Variants in GLIS3 observed in about 807,000 individuals in gnomAD.
The protein encoded by GLIS3 is GLIS family zinc finger 3.
GLIS3 carries 53 observed loss-of-function variants against 78.6 expected under a neutral mutation model. The ratio of observed to expected loss-of-function variants is 0.67; its 90% CI spans 0.54 to 0.85. GLIS3 has a LOEUF of 0.85. Among genes scored for constraint, GLIS3 ranks in the 40% least tolerant of loss-of-function variants. GLIS3 has a pLI of 0.00. For missense variants in GLIS3, 1,703 were observed against 1,231.1 expected (o/e 1.38, Z -5.74); for synonymous variants, 684 against 509.9 (o/e 1.34, Z -4.60).
Position 4,125,337 on chromosome 9 carries a change from A to T in GLIS3, c.596+397T>A, listed in dbSNP as rs72687992. ...CAAGACAGATTGTTGAGCTGCCTGG[A>T]AACTCTGCATCATATTCATAGAAAA... is the stretch of plus-strand genomic sequence containing the variant. On this transcript the variant is annotated intron_variant, in intron 3 of 10. Transcript: ENST00000381971. Among the ~76,000 whole-genome samples the T allele has an allele frequency of 3.6e-3, 541 of 152,324 alleles. 4 individuals are homozygous for T. Among genetic ancestry groups the T allele is most frequent in the Non-Finnish European group, 4.9e-3 (335 of 68,026 alleles).
chr9:4,240,205 G>T (rs1040635496), intron 2 of GLIS3, among the ~76,000 whole-genome samples: 5 of 144,558 alleles, frequency 3.5e-5, no homozygotes, highest in Non-Finnish European at 7.6e-5. Flanking sequence ...TGGGGGGGGG[G>T]GATGGTTTCG....
intron 2 of GLIS3, among the ~76,000 whole-genome samples, chr9:4,216,088 T>A (rs1820802336): frequency 6.7e-6 from 1 of 149,732 alleles, no homozygotes; most frequent in African/African-American, 2.5e-5. Context: ...GAAGATTGTT[T>A]AAAAAAAAAA....
At chr9:4,141,367 C>G (rs1453359348) in intron 2 of GLIS3, among the ~76,000 whole-genome samples, 2 of 152,200 alleles carry the variant, frequency 1.3e-5, no homozygotes, top group Non-Finnish European at 2.9e-5. Flanking sequence ...GGCCTGGGCT[C>G]CCAGCTCCAG....
chr9:3,861,632 G>T (rs1004607820), intron 8 of GLIS3, among the ~76,000 whole-genome samples: 10 of 152,138 alleles, frequency 6.6e-5, no homozygotes, highest in African/African-American at 2.4e-4. Context: ...CATGTAATTT[G>T]CAGGGACATG....
chr9:3,989,363 C>G (rs553108925), intron 4 of GLIS3, among the ~76,000 whole-genome samples: 19 of 152,246 alleles, frequency 1.2e-4, no homozygotes, highest in Non-Finnish European at 2.5e-4. Flanking sequence ...CATAAAATTA[C>G]CATATGACCC....
At chr9:4,100,067 G>C (rs917727079) in intron 4 of GLIS3, among the ~76,000 whole-genome samples, 3 of 152,176 alleles carry the variant, frequency 2.0e-5, no homozygotes, top group Non-Finnish European at 2.9e-5. Context: ...TACTACAGAA[G>C]AATGTTTTGA....
rs931279378 is a variant in GLIS3, at chr9:4,190,777, C to T, written c.389-64836G>A. On this transcript the variant is annotated intron_variant, in intron 2 of 10. Coordinates refer to ENST00000381971, the MANE Select transcript of GLIS3 (RefSeq NM_001042413.2). ...GAATGAAAAAAATGTTAAGGGCAGC[C>T]AGAGAGAAAGGTTGGGTTACCCACA... Among the ~76,000 whole-genome samples, 13 of 152,118 alleles carry T rather than the reference C, an allele frequency of 8.5e-5. No individual in the cohort carries two copies. In the South Asian group the frequency reaches 1.7e-3, roughly 20 times the overall value.
At chr9:4,347,628 A>T (rs1817912454) in intron 1 of GLIS3, among the ~76,000 whole-genome samples, 1 of 152,246 alleles carries the variant, frequency 6.6e-6, no homozygotes, top group Non-Finnish European at 1.5e-5. Context: ...ATAACTCACT[A>T]ATAATAGTCA....
intron 2 of GLIS3, among the ~76,000 whole-genome samples, chr9:4,276,735 TTGAG>T (rs1255341568): frequency 6.6e-6 from 1 of 152,164 alleles, no homozygotes; most frequent in African/African-American, 2.4e-5. Flanking sequence ...ACGCCTCCGA[TTGAG>T]TAATACTTGG....
intron 4 of GLIS3, among the ~76,000 whole-genome samples, chr9:3,997,467 T>C (rs1244816222): frequency 1.3e-5 from 2 of 151,928 alleles, no homozygotes; most frequent in African/African-American, 4.8e-5. Flanking sequence ...AAAATAGAAA[T>C]GGGACAAGAA....
chr9:4,408,726 C>CA, the GLIS3 span, among the ~76,000 whole-genome samples: 9,870 of 56,284 alleles, frequency 0.18, 1,092 homozygotes, highest in East Asian at 0.3. Context: ...GACTCTGTCT[C>CA]AAAAAAAAAA....
intron 2 of GLIS3, among the ~76,000 whole-genome samples, chr9:4,143,306 C>T (rs985218457): frequency 6.6e-6 from 1 of 152,022 alleles, no homozygotes; most frequent in Non-Finnish European, 1.5e-5. Context: ...GTGGCTCACA[C>T]CTGTAATCCC....
At chr9:4,064,786 A>G (rs1325645666) in intron 4 of GLIS3, among the ~76,000 whole-genome samples, 1 of 152,192 alleles carries the variant, frequency 6.6e-6, no homozygotes, top group Non-Finnish European at 1.5e-5. Flanking sequence ...ATCTTATTTC[A>G]TTTCCATTTT....
chr9:3,946,034 C>T (rs1292960624), intron 4 of GLIS3, among the ~76,000 whole-genome samples: 1 of 152,196 alleles, frequency 6.6e-6, no homozygotes, highest in Non-Finnish European at 1.5e-5. Context: ...TTTGCATATA[C>T]TACTTCCTGT....
intron 2 of GLIS3, among the ~76,000 whole-genome samples, chr9:4,173,589 CACACACACACACATAT>C (rs1025853366): frequency 4.4e-5 from 5 of 114,562 alleles, no homozygotes; most frequent in African/African-American, 1.5e-4. Context: ...CACACACACA[CACACACACACACATAT>C]ATATGTTTGT....
At chr9:4,025,606 TG>T (rs1823267456) in intron 4 of GLIS3, among the ~76,000 whole-genome samples, 1 of 152,152 alleles carries the variant, frequency 6.6e-6, no homozygotes, top group Non-Finnish European at 1.5e-5. Flanking sequence ...CAGGAGGGTC[TG>T]CGTCTCCTGA....
At chr9:4,212,420 G>A (rs918941490) in intron 2 of GLIS3, among the ~76,000 whole-genome samples, 1 of 152,174 alleles carries the variant, frequency 6.6e-6, no homozygotes, top group Non-Finnish European at 1.5e-5. Context: ...CAGGCACTGT[G>A]CTGGATACTT....
At chr9:4,340,926 C>G (rs968585370) in intron 2 of GLIS3, among the ~76,000 whole-genome samples, 3 of 152,176 alleles carry the variant, frequency 2.0e-5, no homozygotes, top group African/African-American at 7.2e-5. Flanking sequence ...AAACACCTGC[C>G]TCGGCCTCCC....
intron 2 of GLIS3, among the ~76,000 whole-genome samples, chr9:4,319,865 A>G (rs549503335): frequency 6.6e-6 from 1 of 152,326 alleles, no homozygotes; most frequent in Non-Finnish European, 1.5e-5. Context: ...CAGTAATATG[A>G]GTAAACTAAT....
Sources: gnomAD v4.1 joint callset for allele counts (sites outside exome capture counted in the v4.1 genomes callset) on GRCh38, gnomAD v4.1.1 for gene constraint, MANE v1.5 for transcripts, NCBI Gene and HGNC (gene_info 2026-07-23, HGNC 2026-07-21) for gene names.